VPS54: variants seen among roughly 807,000 people sequenced by gnomAD.
VPS54 encodes the protein VPS54 subunit of GARP complex.
In VPS54, 45 loss-of-function variants were observed where a neutral mutation model predicts 121.5. That is an observed-to-expected ratio of 0.37 (90% CI 0.29 to 0.47). The LOEUF (loss-of-function observed/expected upper bound fraction) is 0.47. Ranked by LOEUF, VPS54 falls within the 20% of genes least tolerant of loss-of-function variation. The probability of loss-of-function intolerance (pLI) is 0.99; values close to 1 mark genes in which losing one functional copy is unlikely to be tolerated. For missense variants in VPS54, 1,090 were observed against 1,131.4 expected, an observed-to-expected ratio of 0.96 and a Z score of 0.52; for synonymous variants, 371 against 385.8, an observed-to-expected ratio of 0.96 and a Z score of 0.45.
chr2:63,962,174 C>G lies in VPS54; in HGVS notation c.894G>C (p.Gln298His). The change falls in exon 7 of 23, where the codon CAG (glutamine) becomes CAC (histidine). Residue 298 changes from glutamine (Q) to histidine (H), a missense_variant. Physicochemically the swap from Gln to His is conservative, Grantham distance 24. Transcript: ENST00000272322. ...ATAACACCTGTACTGTAGGCTGAGTCTGGTGTACAGTGGCCATTAACTTCA... is the reference window on the plus strand; with the variant it reads ...ATAACACCTGTACTGTAGGCTGAGTGTGGTGTACAGTGGCCATTAACTTCA... ...NKLKLMATVH[Q>H]TQPTVQVLLS... 7 of 1,613,950 alleles carry G rather than the reference C, an allele frequency of 4.3e-6. No individual in the cohort carries two copies. Among genetic ancestry groups the G allele is most frequent in the Non-Finnish European group, 5.9e-6 (7 of 1,179,842 alleles).
chr2:64,008,157 A>G (rs1183274105), intron 1 of VPS54, among the ~76,000 whole-genome samples: 7 of 152,180 alleles, frequency 4.6e-5, no homozygotes, highest in African/African-American at 1.7e-4. Context: ...TCATGTCTGT[A>G]ATTCCAGCAC....
chr2:64,005,298 T>C (rs1429372000), intron 1 of VPS54, among the ~76,000 whole-genome samples: 1 of 148,690 alleles, frequency 6.7e-6, no homozygotes, highest in Non-Finnish European at 1.5e-5. Context: ...AGAGACGGGG[T>C]TTCACCGTGT....
At chr2:63,926,182 GAC>G (rs1156536093) in intron 12 of VPS54, among the ~76,000 whole-genome samples, 10 of 152,154 alleles carry the variant, frequency 6.6e-5, no homozygotes, top group African/African-American at 2.2e-4. Context: ...AGCCACCTTA[GAC>G]ACAGATGAAA....
chr2:63,950,143 A>T (rs555552596), intron 7 of VPS54, among the ~76,000 whole-genome samples: 2 of 152,238 alleles, frequency 1.3e-5, no homozygotes, highest in South Asian at 4.1e-4. Context: ...CTCTTTCATG[A>T]TTTCCTTGAT....
chr2:63,921,301 G>C lies in VPS54; in HGVS notation c.1774C>G (p.Leu592Val). The change falls in exon 13 of 23, where the codon CTA (leucine) becomes GTA (valine). Residue 592 changes from leucine to valine, a missense_variant. Transcript: ENST00000272322. ...SEDMKLTDSELGKLANNIQEL... is the reference protein window; with the variant it reads ...SEDMKLTDSEVGKLANNIQEL... Reference sequence around the variant, plus strand: ...TGGATATTATTTGCCAGCTTTCCTAGCTCTGAGTCAGTTAATTTCATATCT... The same window carrying C: ...TGGATATTATTTGCCAGCTTTCCTACCTCTGAGTCAGTTAATTTCATATCT... The C allele has an allele frequency of 1.9e-6, 3 of 1,612,878 alleles. No individual in the cohort carries two copies. The highest frequency in any genetic ancestry group is 2.5e-6 in the Non-Finnish European group (3 of 1,179,370).
At chr2:63,902,011 G>A (rs201735982) in intron 20 of VPS54, among the ~76,000 whole-genome samples, 12 of 152,094 alleles carry the variant, frequency 7.9e-5, no homozygotes, top group East Asian at 5.8e-4. Context: ...GCAAAACTCC[G>A]TCTCAAAATA....
intron 15 of VPS54, 72 bp from the exon 16 acceptor site, chr2:63,917,035 A>G (rs890518302): frequency 7.2e-6 from 11 of 1,532,948 alleles, no homozygotes; most frequent in Admixed American, 1.7e-5. Flanking sequence ...GCTGAAGAAG[A>G]TAATTCCTGT....
intron 20 of VPS54, among the ~76,000 whole-genome samples, chr2:63,910,492 A>C (rs982249440): frequency 6.6e-6 from 1 of 152,228 alleles, no homozygotes; most frequent in Non-Finnish European, 1.5e-5. Flanking sequence ...ACAATTAATA[A>C]GTTTCAAATA....
At chr2:63,982,626 T>G (rs780342692) in intron 2 of VPS54, among the ~76,000 whole-genome samples, 5 of 152,172 alleles carry the variant, frequency 3.3e-5, no homozygotes, top group Admixed American at 6.5e-5. Flanking sequence ...GTACTATAAT[T>G]TATGCCTGAA....
intron 7 of VPS54, among the ~76,000 whole-genome samples, chr2:63,954,489 G>A (rs560248338): frequency 6.6e-6 from 1 of 152,154 alleles, no homozygotes; most frequent in East Asian, 1.9e-4. Flanking sequence ...TGTAAGAATT[G>A]TCCTTCAAAG....
Position 63,921,213 on chromosome 2 carries a change from C to T in VPS54, c.1862G>A (p.Arg621Lys), listed in dbSNP as rs780775930. Residue 621 changes from arginine to lysine, a missense_variant, in exon 13 of 23, where the codon AGA becomes AAA. By Grantham distance (26) the Arg-to-Lys change is conservative. Coordinates refer to ENST00000272322, the MANE Select transcript of VPS54 (RefSeq NM_016516.3). Reference protein sequence around the residue: ...HDRAVKFLMSRAKDGFLEKLN... With the variant: ...HDRAVKFLMSKAKDGFLEKLN... ...CTTTATGAAAATAGCTACCTTTGCT[C>T]TTGACATGAGAAATTTGACAGCTCG... 6.2e-7 allele frequency: 1 copy of T among 1,606,772 alleles called. No homozygotes were observed. Among genetic ancestry groups the T allele is most frequent in the Admixed American group, 1.7e-5 (1 of 59,642 alleles).
chr2:63,917,596 A>C (rs1300693543), intron 15 of VPS54, among the ~76,000 whole-genome samples: 1 of 152,060 alleles, frequency 6.6e-6, no homozygotes, highest in African/African-American at 2.4e-5. Context: ...TACCATGGGC[A>C]GCTCATTATG....
At position 63,910,680 on chromosome 2, in the gene VPS54, T is replaced by C. The variant is rs145460350; in HGVS notation, c.2625+1665A>G. ...TTTAGCAAAAAAGGCAAATTGTTAA[T>C]AACGAATATAGGTCATGCATACATG... On this transcript the variant is annotated intron_variant, in intron 20 of 22. Coordinates refer to ENST00000272322, the MANE Select transcript of VPS54 (RefSeq NM_016516.3). 4.6e-5 allele frequency among the ~76,000 whole-genome samples: 7 copies of C among 152,288 alleles called. No homozygotes were observed. In the East Asian group the frequency reaches 1.3e-3, roughly 29 times the overall value.
At chr2:63,994,075 T>A (rs934720735) in intron 1 of VPS54, among the ~76,000 whole-genome samples, 3 of 152,142 alleles carry the variant, frequency 2.0e-5, no homozygotes, top group Admixed American at 6.5e-5. Context: ...TCAGATGTGG[T>A]GAGATCTGTG....
At position 63,965,941 on chromosome 2, in the gene VPS54, A is replaced by C. The variant is rs1301383074; in HGVS notation, c.518T>G (p.Leu173Trp). 4 of 1,609,094 alleles carry C rather than the reference A, an allele frequency of 2.5e-6. No homozygotes were observed. The highest frequency in any genetic ancestry group is 3.4e-6 in the Non-Finnish European group (4 of 1,178,794). Residue 173 changes from leucine (L) to tryptophan (W), a missense_variant, in exon 6 of 23, where the codon TTG (leucine) becomes TGG (tryptophan). Coordinates refer to ENST00000272322, the MANE Select transcript of VPS54 (RefSeq NM_016516.3). ...PKIFMKPDFA[L>W]DDSLTFNSVL... ...TGAATTAAAAGTTAAGGAATCATCC[A>C]AGGCAAAATCTGGTTTCATAAAAAT...
intron 1 of VPS54, among the ~76,000 whole-genome samples, chr2:64,008,503 A>T (rs1463126656): frequency 1.3e-5 from 2 of 152,114 alleles, no homozygotes; most frequent in African/African-American, 4.8e-5. Context: ...GGGATGGGAA[A>T]AGGAGAGGCA....
chr2:63,982,769 A>C (rs1676857723), intron 2 of VPS54, among the ~76,000 whole-genome samples: 1 of 152,198 alleles, frequency 6.6e-6, no homozygotes, highest in South Asian at 2.1e-4. Flanking sequence ...AAAAAGCTCC[A>C]AACATGTGGC....
At chr2:63,897,139 T>C (rs1384283801) in intron 22 of VPS54, among the ~76,000 whole-genome samples, 1 of 152,208 alleles carries the variant, frequency 6.6e-6, no homozygotes, top group Non-Finnish European at 1.5e-5. Flanking sequence ...TCATCCTTGT[T>C]ATTTTATAAA....
intron 4 of VPS54, among the ~76,000 whole-genome samples, chr2:63,970,218 C>T (rs1403338283): frequency 2.4e-5 from 2 of 83,254 alleles, no homozygotes; most frequent in African/African-American, 1.0e-4. Flanking sequence ...TATATACACA[C>T]ACACACACAC....
Sources: allele counts gnomAD v4.1 joint callset (sites outside exome capture counted in the v4.1 genomes callset), GRCh38; gene constraint gnomAD v4.1.1; transcripts MANE v1.5; gene names NCBI Gene and HGNC (gene_info 2026-07-23, HGNC 2026-07-21).